BCAS3: variants seen among roughly 807,000 people sequenced by gnomAD.
The protein encoded by BCAS3 is BCAS3 microtubule associated cell migration factor.
In BCAS3, 53 loss-of-function variants were observed where a neutral mutation model predicts 116.1. The observed-to-expected ratio is 0.46, with a 90% confidence interval of 0.37 to 0.57. The LOEUF (loss-of-function observed/expected upper bound fraction) is 0.57, where lower values mean the gene tolerates loss of function less well. BCAS3 is among the 20% of genes least tolerant of loss of function. The probability of loss-of-function intolerance (pLI) is 0.00; values close to 1 mark genes in which losing one functional copy is unlikely to be tolerated. For synonymous variants in BCAS3, 391 were observed against 408.2 expected (o/e 0.96, Z 0.51); for missense variants, 917 against 1,165.4 (o/e 0.79, Z 3.10).
At chr17:61,160,601 A>G (rs1259636791) in intron 22 of BCAS3, among the ~76,000 whole-genome samples, 1 of 152,118 alleles carries the variant, frequency 6.6e-6, no homozygotes, top group Non-Finnish European at 1.5e-5. Context: ...CAAAAATTGT[A>G]TTTTCCATTT....
intron 20 of BCAS3, among the ~76,000 whole-genome samples, chr17:61,076,925 A>G (rs1381114093): frequency 6.6e-6 from 1 of 152,212 alleles, no homozygotes; most frequent in African/African-American, 2.4e-5. Context: ...GGACTCACAC[A>G]GGGCTACACT....
intron 22 of BCAS3, among the ~76,000 whole-genome samples, chr17:61,357,175 G>T (rs1386053546): frequency 2.0e-5 from 3 of 151,288 alleles, no homozygotes; most frequent in Admixed American, 1.3e-4. Context: ...GGAGGCCAAG[G>T]CAGGAGCATC....
In BCAS3 at chr17:61,366,286, A is replaced by G. The variant is rs947423307; in HGVS notation, c.2426-2041A>G. On this transcript the variant is annotated intron_variant, in intron 22 of 23. Coordinates refer to ENST00000407086, the MANE Select transcript of BCAS3 (RefSeq NM_017679.5). This position sits in a 1 kb window ranked among gnomAD's most constrained non-coding sequence, Gnocchi z 4.5. ...CACTAGATCTTGTCAAATAAGGTCTAGTGGGGGAAGTGCTGGAAGTGGGGA... is the reference window on the plus strand; with the variant it reads ...CACTAGATCTTGTCAAATAAGGTCTGGTGGGGGAAGTGCTGGAAGTGGGGA... 6.6e-6 allele frequency among the ~76,000 whole-genome samples: 1 copy of G among 152,200 alleles called. No homozygotes were observed. The highest frequency in any genetic ancestry group is 1.5e-5 in the Non-Finnish European group (1 of 68,034).
intron 6 of BCAS3, among the ~76,000 whole-genome samples, chr17:60,806,136 A>G (rs1444699128): frequency 1.3e-5 from 2 of 151,920 alleles, no homozygotes; most frequent in Non-Finnish European, 2.9e-5. Flanking sequence ...TCGGCCTCCC[A>G]AAGTGCTGGG....
rs2061429508 is a variant in BCAS3 at position 60,961,900 on chromosome 17, T to C, written c.1221+14548T>C. Among the ~76,000 whole-genome samples, 1 of 152,048 alleles carries C rather than the reference T, an allele frequency of 6.6e-6. No homozygotes were observed. The highest frequency in any genetic ancestry group is 1.5e-5 in the Non-Finnish European group (1 of 68,012). On this transcript the variant is annotated intron_variant, in intron 14 of 23. Transcript: ENST00000407086. This position sits in a 1 kb window ranked among gnomAD's most constrained non-coding sequence, Gnocchi z 4.8. ...TTATGAACTACAAAAGGATCAAAGATCCACTTTTGTAGTTCCCACCTAGGA... is the reference window on the plus strand; with the variant it reads ...TTATGAACTACAAAAGGATCAAAGACCCACTTTTGTAGTTCCCACCTAGGA...
At chr17:60,998,768 A>G (rs1334779433) in intron 15 of BCAS3, among the ~76,000 whole-genome samples, 13 of 152,026 alleles carry the variant, frequency 8.6e-5, no homozygotes, top group Non-Finnish European at 7.4e-5. Context: ...TTTTTTTCCC[A>G]TTCTGTAGAT....
At chr17:60,959,330 T>C (rs1466007430) in intron 14 of BCAS3, among the ~76,000 whole-genome samples, 1 of 151,938 alleles carries the variant, frequency 6.6e-6, no homozygotes, top group African/African-American at 2.4e-5. Context: ...TTTTTTTGGT[T>C]TTGTTTTTGC....
chr17:61,099,250 G>T (rs929324842), intron 22 of BCAS3, among the ~76,000 whole-genome samples: 1 of 152,102 alleles, frequency 6.6e-6, no homozygotes, highest in Non-Finnish European at 1.5e-5. Flanking sequence ...GGCTGTCTTT[G>T]TATCTCCCTT....
Position 60,689,723 on chromosome 17 carries a change from A to C in BCAS3, c.176A>C (p.Lys59Thr), listed in dbSNP as rs1211046036. 1.9e-6 allele frequency: 3 copies of C among 1,609,406 alleles called. No individual in the cohort carries two copies. The East Asian group carries it at 6.7e-5, about 36-fold the overall frequency. ...SGTPLTEEKE[K>T]IVWVRFENAD... ...ACACCTCTAACAGAAGAAAAGGAGA[A>C]AATAGTCTGGGTCAGATTTGAAAAT... The change falls in exon 4 of 24, where the codon AAA becomes ACA. Residue 59 changes from lysine (K) to threonine (T), a missense_variant. Physicochemically the swap from Lys to Thr is moderately conservative, Grantham distance 78 (BLOSUM62 -1). Coordinates refer to ENST00000407086, the MANE Select transcript of BCAS3 (RefSeq NM_017679.5).
At chr17:60,759,720 A>G (rs1435381186) in intron 6 of BCAS3, among the ~76,000 whole-genome samples, 1 of 151,362 alleles carries the variant, frequency 6.6e-6, no homozygotes, top group Non-Finnish European at 1.5e-5. Flanking sequence ...GCTGAAGTGC[A>G]GAGGTGTGAT....
rs1226312406 is a variant in BCAS3 at position 60,902,499 on chromosome 17, T to C, written c.739-121T>C. 6 of 786,816 alleles carry C rather than the reference T, an allele frequency of 7.6e-6. No homozygotes were observed. The Admixed American group carries it at 1.1e-4, about 14-fold the overall frequency. The allele number at this position is 786,816 out of a possible 1,614,324, so 48.7% of individuals were successfully genotyped here. A position where few individuals can be genotyped will look rare whatever the true frequency, so the allele number is the denominator to read the frequency against. ...TAGCTGTTTGTCTGAAATACACTCA[T>C]GCAAACATTCCCACCCATCACCATC... On this transcript the variant is annotated intron_variant, in intron 10 of 23. Coordinates refer to ENST00000407086, the MANE Select transcript of BCAS3 (RefSeq NM_017679.5).
rs1267078358 is a variant in BCAS3, at chr17:61,310,985, T to A, written c.2426-57342T>A. ...CCTGTCTCTTAATAGTTGTGTCACT[T>A]TGAGCAAGTTACTTACCTCTCTGTG... is the stretch of plus-strand genomic sequence containing the variant. On this transcript the variant is annotated intron_variant, in intron 22 of 23. Transcript: ENST00000407086. Among the ~76,000 whole-genome samples the A allele has an allele frequency of 2.0e-5, 3 of 152,314 alleles. No homozygotes were observed. The East Asian group carries it at 5.8e-4, about 29-fold the overall frequency.
intron 5 of BCAS3, among the ~76,000 whole-genome samples, chr17:60,716,779 A>G (rs1286185378): frequency 6.6e-6 from 1 of 152,192 alleles, no homozygotes; most frequent in African/African-American, 2.4e-5. Context: ...GGAGAGATCA[A>G]TAAAAGTAAG....
chr17:61,301,405 G>A (rs760562053), intron 22 of BCAS3, among the ~76,000 whole-genome samples: 8 of 152,134 alleles, frequency 5.3e-5, no homozygotes, highest in Non-Finnish European at 1.0e-4. Flanking sequence ...AGGCCGAGGC[G>A]GGTGGATCAC....
rs1280920205 is a variant in BCAS3 at position 61,063,101 on chromosome 17, G to T, written c.2030-11819G>T. On this transcript the variant is annotated intron_variant, in intron 19 of 23. Coordinates refer to ENST00000407086, the MANE Select transcript of BCAS3 (RefSeq NM_017679.5). This position sits in a 1 kb window ranked among gnomAD's most constrained non-coding sequence, Gnocchi z 5.3. ...CCTCCAGAAAGTCAACAAACAAACT[G>T]CCTCAAGCATCCTAAAAAACTGTTG... Among the ~76,000 whole-genome samples, 1 of 152,134 alleles carries T rather than the reference G, an allele frequency of 6.6e-6. No individual in the cohort carries two copies. The highest frequency in any genetic ancestry group is 6.5e-5 in the Admixed American group (1 of 15,272).
At chr17:60,830,735 AGTTTT>A (rs1428160381) in intron 7 of BCAS3, among the ~76,000 whole-genome samples, 1 of 152,066 alleles carries the variant, frequency 6.6e-6, no homozygotes, top group Non-Finnish European at 1.5e-5. Flanking sequence ...CAAACTTTGA[AGTTTT>A]GTTTTATGTC....
intron 7 of BCAS3, among the ~76,000 whole-genome samples, chr17:60,854,656 C>T (rs2053496551): frequency 1.3e-5 from 2 of 152,182 alleles, no homozygotes; most frequent in Non-Finnish European, 2.9e-5. Flanking sequence ...TACTATCTCA[C>T]ACCAGTTAGA....
chr17:60,855,579 T>G (rs1378072857), intron 7 of BCAS3, among the ~76,000 whole-genome samples: 2 of 151,710 alleles, frequency 1.3e-5, no homozygotes, highest in Non-Finnish European at 2.9e-5. Flanking sequence ...CTCAGCCTCC[T>G]GAATAGCTGG....
At chr17:61,048,497 C>T (rs1266705231) in intron 19 of BCAS3, among the ~76,000 whole-genome samples, 1 of 151,910 alleles carries the variant, frequency 6.6e-6, no homozygotes, top group East Asian at 1.9e-4. Context: ...GCTGAGAGTC[C>T]AGTAAGACCA....
Sources: allele counts gnomAD v4.1 joint callset (sites outside exome capture counted in the v4.1 genomes callset), GRCh38; gene constraint gnomAD v4.1.1; non-coding constraint Gnocchi (gnomAD v3.1); transcripts MANE v1.5; gene names NCBI Gene and HGNC (gene_info 2026-07-23, HGNC 2026-07-21).